Variants in ARID1B observed in about 807,000 individuals in gnomAD.
ARID1B encodes the protein AT-rich interaction domain 1B, also known as AT-rich interactive domain-containing protein 1B.
ARID1B carries 30 observed loss-of-function variants against 212.3 expected under a neutral mutation model. The ratio of observed to expected loss-of-function variants is 0.14; its 90% CI spans 0.11 to 0.19. The LOEUF is 0.19. Among genes scored for constraint, ARID1B ranks in the 10% least tolerant of loss-of-function variants. The pLI is 1.00. For synonymous variants in ARID1B, 1,402 were observed against 1,301.7 expected (o/e 1.08, Z -1.66); for missense variants, 2,891 against 3,204.0 (o/e 0.90, Z 2.36).
intron 1 of ARID1B, among the ~76,000 whole-genome samples, chr6:156,810,906 C>T (rs892309552): frequency 1.3e-5 from 2 of 152,128 alleles, no homozygotes; most frequent in Non-Finnish European, 2.9e-5. Context: ...GAACACACAT[C>T]GATTATGTCA....
Position 157,184,431 on chromosome 6 carries a change from T to A in ARID1B, c.3915T>A (p.Ser1305=), listed in dbSNP as rs1165751211. The A allele has an allele frequency of 1.9e-6, 3 of 1,613,896 alleles. No individual in the cohort carries two copies. The highest frequency in any genetic ancestry group is 2.5e-6 in the Non-Finnish European group (3 of 1,180,046). The change falls in exon 13 of 20, where the codon TCT becomes TCA. Residue 1305 remains serine (S), a synonymous_variant. Transcript: ENST00000636930. ...AGCAGCCCAAGCTCCAGCCGCCATC[T>A]CCTGGTAAGTGGCGGCGCTGCAGTC... ...TKKQPKLQPP[S]PANSGSLQGP...
intron 8 of ARID1B, among the ~76,000 whole-genome samples, chr6:157,154,729 C>T (rs1790462694): frequency 1.3e-5 from 2 of 151,940 alleles, no homozygotes; most frequent in Admixed American, 1.3e-4. Flanking sequence ...CAGGCACCTG[C>T]CACCATGCCT....
intron 4 of ARID1B, among the ~76,000 whole-genome samples, chr6:157,057,415 C>T: frequency 7.0e-6 from 1 of 142,740 alleles, no homozygotes; most frequent in East Asian, 2.0e-4. Context: ...ATTATGTTTG[C>T]AGGTATATAT....
chr6:156,966,355 A>G (rs1379139643), intron 4 of ARID1B, among the ~76,000 whole-genome samples: 2 of 151,136 alleles, frequency 1.3e-5, no homozygotes, highest in African/African-American at 4.9e-5. Flanking sequence ...AATCACTACA[A>G]TACAGACATA....
At chr6:157,109,200 T>C (rs140922342) in intron 5 of ARID1B, among the ~76,000 whole-genome samples, 11 of 152,254 alleles carry the variant, frequency 7.2e-5, no homozygotes, top group African/African-American at 2.6e-4. Flanking sequence ...TTGGTTGTTG[T>C]ACATCGTCAA....
At chr6:157,097,865 G>A (rs1468691779) in intron 5 of ARID1B, among the ~76,000 whole-genome samples, 1 of 152,186 alleles carries the variant, frequency 6.6e-6, no homozygotes, top group African/African-American at 2.4e-5. Context: ...TGCTGCAACT[G>A]TGGTTAGTTA....
At chr6:156,963,974 C>G (rs1794573169) in intron 4 of ARID1B, among the ~76,000 whole-genome samples, 1 of 152,240 alleles carries the variant, frequency 6.6e-6, no homozygotes. Context: ...TGGAAAGGAG[C>G]TGATTAATCG....
At chr6:156,990,513 C>T (rs58481300) in intron 4 of ARID1B, among the ~76,000 whole-genome samples, 23,974 of 151,922 alleles carry the variant, frequency 0.16, 2,111 homozygotes, top group East Asian at 0.34. Flanking sequence ...TGGTATCATG[C>T]GCCTGTAATC....
intron 4 of ARID1B, among the ~76,000 whole-genome samples, chr6:157,039,906 C>T (rs1252909741): frequency 4.2e-5 from 6 of 141,482 alleles, no homozygotes; most frequent in African/African-American, 1.3e-4. Context: ...TTCCTTCCTT[C>T]CTTCCTTCCT....
intron 2 of ARID1B, among the ~76,000 whole-genome samples, chr6:156,881,082 T>A (rs1787047184): frequency 6.6e-6 from 1 of 152,216 alleles, no homozygotes; most frequent in African/African-American, 2.4e-5. Context: ...GCCTGGGGCC[T>A]GCAGGAGTTT....
intron 4 of ARID1B, among the ~76,000 whole-genome samples, chr6:157,067,563 G>T (rs114968617): frequency 6.6e-6 from 1 of 152,136 alleles, no homozygotes; most frequent in African/African-American, 2.4e-5. Context: ...AAATGTGCAT[G>T]TATAGAGAGT....
At chr6:156,932,419 C>CTTTTAAAGAGTTATGACTTTTTACA (rs59793457) in intron 3 of ARID1B, among the ~76,000 whole-genome samples, 29,537 of 151,994 alleles carry the variant, frequency 0.19, 3,919 homozygotes, top group African/African-American at 0.37. Context: ...ATATGGCATT[C>CTTTTAAAGAGTTATGACTTTTTACA]TATACAGCAG....
At chr6:156,823,670 C>A (rs1406147810) in intron 1 of ARID1B, among the ~76,000 whole-genome samples, 6 of 139,746 alleles carry the variant, frequency 4.3e-5, no homozygotes, top group South Asian at 2.4e-4. Context: ...ATAGTTCTTT[C>A]GGTGGGTTTT....
rs112666105 is a variant in ARID1B at position 157,122,573 on chromosome 6, C to T, written c.2582-10455C>T. Reference sequence around the variant, plus strand: ...AGCATGTGGTGGAAACGCGCTTGCCCGGGTCGGGCTCATACCCTCACACAA... The same window carrying T: ...AGCATGTGGTGGAAACGCGCTTGCCTGGGTCGGGCTCATACCCTCACACAA... On this transcript the variant is annotated intron_variant, in intron 6 of 19. Coordinates refer to ENST00000636930, the MANE Select transcript of ARID1B (RefSeq NM_001374828.1). Among the ~76,000 whole-genome samples, 448 of 152,326 alleles carry T rather than the reference C, an allele frequency of 2.9e-3. 3 individuals are homozygous for T. Among genetic ancestry groups the T allele is most frequent in the African/African-American group, 1.0e-2 (415 of 41,556 alleles).
intron 4 of ARID1B, chr6:156,935,844 T>G: frequency 2.9e-5 from 11 of 379,000 alleles, no homozygotes; most frequent in East Asian, 1.6e-4. Flanking sequence ...TGCAGGTGGT[T>G]ATTGCTGTTG....
intron 5 of ARID1B, among the ~76,000 whole-genome samples, chr6:157,091,812 G>T (rs1349003912): frequency 6.6e-6 from 1 of 152,176 alleles, no homozygotes; most frequent in Non-Finnish European, 1.5e-5. Context: ...ATATGTAAAT[G>T]GTTCTTAGCC....
chr6:156,806,959 A>G (rs1781204608), intron 1 of ARID1B, among the ~76,000 whole-genome samples: 1 of 152,234 alleles, frequency 6.6e-6, no homozygotes, highest in East Asian at 1.9e-4. Context: ...GTAATTTTAC[A>G]TGTCTTAAAA....
chr6:157,115,669 C>T (rs564689822), intron 6 of ARID1B, among the ~76,000 whole-genome samples: 11 of 152,268 alleles, frequency 7.2e-5, no homozygotes, highest in African/African-American at 2.4e-4. Context: ...CCTCGTGATC[C>T]GCCTGCCTCT....
intron 16 of ARID1B, among the ~76,000 whole-genome samples, chr6:157,197,517 T>A (rs2128361745): frequency 6.6e-6 from 1 of 152,366 alleles, no homozygotes; most frequent in East Asian, 1.9e-4. Context: ...GTCCATCCCA[T>A]GTTTAAGGAG....
Sources: gnomAD v4.1 joint callset for allele counts (sites outside exome capture counted in the v4.1 genomes callset) on GRCh38, gnomAD v4.1.1 for gene constraint, MANE v1.5 for transcripts, NCBI Gene and HGNC (gene_info 2026-07-23, HGNC 2026-07-21) for gene names.